GRXCR1: variants seen among roughly 807,000 people sequenced by gnomAD.
GRXCR1 encodes glutaredoxin domain-containing cysteine-rich protein 1.
GRXCR1 carries 27 observed loss-of-function variants against 27.3 expected under a neutral mutation model. The observed-to-expected ratio is 0.99, with a 90% CI of 0.73 to 1.37. The LOEUF is 1.37. GRXCR1 is among the 40% of genes most tolerant of loss of function. The probability of loss-of-function intolerance (pLI) is 0.00; values close to 1 mark genes in which losing one functional copy is unlikely to be tolerated. For synonymous variants in GRXCR1, 122 were observed against 131.1 expected, an observed-to-expected ratio of 0.93 and a Z score of 0.47; for missense variants, 379 against 354.4, an observed-to-expected ratio of 1.07 and a Z score of -0.56.
intron 2 of GRXCR1, among the ~76,000 whole-genome samples, chr4:42,996,176 T>C (rs146388066): frequency 1.3e-5 from 2 of 152,342 alleles, no homozygotes; most frequent in African/African-American, 4.8e-5. Context: ...AAAATTATTA[T>C]GGAAGTGAAG....
At chr4:43,004,525 G>A (rs868643175) in intron 2 of GRXCR1, among the ~76,000 whole-genome samples, 19 of 152,230 alleles carry the variant, frequency 1.2e-4, no homozygotes, top group African/African-American at 4.1e-4. Context: ...GACAGCCCAT[G>A]AAATCATCTG....
At chr4:42,976,453 T>C (rs1356904186) in intron 2 of GRXCR1, among the ~76,000 whole-genome samples, 2 of 152,010 alleles carry the variant, frequency 1.3e-5, no homozygotes, top group African/African-American at 4.8e-5. Context: ...AAAACCAACT[T>C]TATTTTTGAA....
At chr4:43,004,578 G>T (rs1712492883) in intron 2 of GRXCR1, among the ~76,000 whole-genome samples, 1 of 152,210 alleles carries the variant, frequency 6.6e-6, no homozygotes. Context: ...AACTGCTCAA[G>T]ACCTTGGGAG....
intron 2 of GRXCR1, among the ~76,000 whole-genome samples, chr4:43,014,095 C>A (rs1388843104): frequency 2.0e-5 from 3 of 149,718 alleles, no homozygotes; most frequent in Non-Finnish European, 4.4e-5. Flanking sequence ...GCTAATTTTG[C>A]AGTTAATTCT....
At chr4:42,944,205 G>C (rs1747691976) in intron 1 of GRXCR1, among the ~76,000 whole-genome samples, 1 of 152,022 alleles carries the variant, frequency 6.6e-6, no homozygotes, top group Non-Finnish European at 1.5e-5. Flanking sequence ...GTAGAAGATG[G>C]ACCAACCAAA....
intron 3 of GRXCR1, 37 bp from the exon 4 acceptor site, chr4:43,030,324 C>T (rs776457295): frequency 1.9e-6 from 3 of 1,594,028 alleles, no homozygotes; most frequent in Non-Finnish European, 2.6e-6. Context: ...GCTAACACAT[C>T]CTCTGTTTTC....
chr4:42,930,115 C>A (rs1029540353), intron 1 of GRXCR1, among the ~76,000 whole-genome samples: 2 of 152,008 alleles, frequency 1.3e-5, no homozygotes, highest in African/African-American at 2.4e-5. Context: ...TGGCTATTAT[C>A]ACCCTTATAC....
chr4:42,925,384 T>A (rs1747136758), intron 1 of GRXCR1, among the ~76,000 whole-genome samples: 1 of 152,002 alleles, frequency 6.6e-6, no homozygotes, highest in Non-Finnish European at 1.5e-5. Flanking sequence ...CTTGAAATAA[T>A]TCAATTCCAC....
chr4:43,001,752 G>A (rs1712369473), intron 2 of GRXCR1, among the ~76,000 whole-genome samples: 1 of 152,172 alleles, frequency 6.6e-6, no homozygotes, highest in Admixed American at 6.5e-5. Flanking sequence ...GGGTCCAGGG[G>A]ACCGGTGCTC....
At chr4:42,904,904 C>A (rs1420755535) in intron 1 of GRXCR1, among the ~76,000 whole-genome samples, 1 of 152,154 alleles carries the variant, frequency 6.6e-6, no homozygotes, top group African/African-American at 2.4e-5. Context: ...GGTGGGACAT[C>A]TGACCCAATT....
chr4:42,901,034 C>T (rs1234508961), intron 1 of GRXCR1, among the ~76,000 whole-genome samples: 1 of 152,126 alleles, frequency 6.6e-6, no homozygotes, highest in Non-Finnish European at 1.5e-5. Flanking sequence ...CTCCAGTTTC[C>T]CAAGGTTCTG....
chr4:43,029,757 G>A (rs116176202), intron 3 of GRXCR1, among the ~76,000 whole-genome samples: 287 of 152,236 alleles, frequency 1.9e-3, no homozygotes, highest in Non-Finnish European at 3.5e-3. Context: ...AATGATGCTC[G>A]AATTAAGTCT....
rs561979240 is a variant in GRXCR1 at position 42,918,253 on chromosome 4, C to T, written c.384+24603C>T. Among the ~76,000 whole-genome samples, 3 of 152,152 alleles carry T rather than the reference C, an allele frequency of 2.0e-5. No individual in the cohort carries two copies. In the South Asian group the frequency reaches 6.2e-4, roughly 32 times the overall value. ...AAGGAGGCAAACTCACTCCTGAAAG[C>T]CATTTTTACTTGTGGCATGAACCCA... On this transcript the variant is annotated intron_variant, in intron 1 of 3. Coordinates refer to ENST00000399770, the MANE Select transcript of GRXCR1 (RefSeq NM_001080476.3).
chr4:42,941,432 T>C (rs1241026769), intron 1 of GRXCR1, among the ~76,000 whole-genome samples: 1 of 152,046 alleles, frequency 6.6e-6, no homozygotes, highest in African/African-American at 2.4e-5. Flanking sequence ...TGAATGCCTA[T>C]TGAGGAGGAA....
intron 1 of GRXCR1, among the ~76,000 whole-genome samples, chr4:42,932,696 G>A (rs1747358958): frequency 7.5e-6 from 1 of 134,116 alleles, no homozygotes; most frequent in Non-Finnish European, 1.6e-5. Context: ...TGCTATGCAG[G>A]GCTTCTAAAA....
chr4:42,908,575 C>T (rs946542497), intron 1 of GRXCR1, among the ~76,000 whole-genome samples: 4 of 152,186 alleles, frequency 2.6e-5, no homozygotes, highest in African/African-American at 7.2e-5. Context: ...CAAAGTCCTT[C>T]TATTTGTTAG....
chr4:42,961,854 G>T (rs920593821), intron 1 of GRXCR1, among the ~76,000 whole-genome samples: 2 of 151,956 alleles, frequency 1.3e-5, no homozygotes, highest in Non-Finnish European at 2.9e-5. Flanking sequence ...CTACTGGCTT[G>T]CTTTAGTATT....
chr4:43,002,321 G>A (rs1195278907), intron 2 of GRXCR1, among the ~76,000 whole-genome samples: 2 of 151,156 alleles, frequency 1.3e-5, no homozygotes, highest in African/African-American at 4.9e-5. Context: ...AAGGGCAGAG[G>A]TCCCTGCGGC....
At chr4:42,983,018 T>C (rs1029562806) in intron 2 of GRXCR1, among the ~76,000 whole-genome samples, 6 of 152,148 alleles carry the variant, frequency 3.9e-5, no homozygotes, top group Non-Finnish European at 7.4e-5. Flanking sequence ...CTGTTCACTC[T>C]GATGATAGTT....
Sources: allele counts gnomAD v4.1 joint callset (sites outside exome capture counted in the v4.1 genomes callset), GRCh38; gene constraint gnomAD v4.1.1; transcripts MANE v1.5; gene names NCBI Gene and HGNC (gene_info 2026-07-23, HGNC 2026-07-21).